TRAM1: variants seen among roughly 807,000 people sequenced by gnomAD.
TRAM1 encodes translocating chain-associated membrane protein 1.
Under a neutral mutation model 48.7 loss-of-function variants are expected in TRAM1, and 17 were observed. The observed-to-expected ratio is 0.35, with a 90% CI of 0.24 to 0.52. The LOEUF is 0.52. TRAM1 is among the 20% of genes least tolerant of loss of function. The pLI, the probability that TRAM1 is intolerant of heterozygous loss-of-function variation, is 0.94. For synonymous variants in TRAM1, 182 were observed against 154.0 expected (o/e 1.18, Z -1.34); for missense variants, 351 against 441.5 (o/e 0.79, Z 1.84).
chr8:70,608,264 G>A lies in TRAM1; in HGVS notation c.-65C>T. On this transcript the variant is annotated 5_prime_UTR_variant, in exon 1 of 11. Transcript: ENST00000262213. ...GTTCTGCTCTTCCCAGCTGCTCACC[G>A]ACTCGCCGCCGCCTCCCGCTGGCTG... The A allele has an allele frequency of 1.3e-6, 2 of 1,488,640 alleles. No individual in the cohort carries two copies. The highest frequency in any genetic ancestry group is 4.5e-5 in the Admixed American group (2 of 44,036). 92.2% of individuals were successfully genotyped at this position (1,488,640 alleles called of 1,614,324 possible). A position where few individuals can be genotyped will look rare whatever the true frequency, so the allele number is the denominator to read the frequency against.
intron 8 of TRAM1, among the ~76,000 whole-genome samples, chr8:70,584,657 C>A (rs1355111244): frequency 6.6e-6 from 1 of 152,192 alleles, no homozygotes; most frequent in Non-Finnish European, 1.5e-5. Flanking sequence ...AGAGCCAAAT[C>A]ATGAGTGAAC....
chr8:70,593,864 G>A (rs764522100), intron 6 of TRAM1, among the ~76,000 whole-genome samples: 1 of 152,090 alleles, frequency 6.6e-6, no homozygotes. Flanking sequence ...AAGGGAGAGG[G>A]TAAAGAAAAC....
At chr8:70,579,806 T>C (rs530526505) in intron 10 of TRAM1, among the ~76,000 whole-genome samples, 3 of 152,282 alleles carry the variant, frequency 2.0e-5, no homozygotes, top group Non-Finnish European at 4.4e-5. Flanking sequence ...TCATTTCTTA[T>C]ATTGAATATT....
At chr8:70,608,029 C>G in intron 1 of TRAM1, 48 bp downstream of exon 1, 2 of 1,534,366 alleles carry the variant, frequency 1.3e-6, no homozygotes, top group South Asian at 2.4e-5. Context: ...AGCCCGGGCC[C>G]GGGCTGGAGG....
At chr8:70,578,129 G>A (rs1386639483) in intron 10 of TRAM1, among the ~76,000 whole-genome samples, 2 of 152,188 alleles carry the variant, frequency 1.3e-5, no homozygotes, top group Non-Finnish European at 2.9e-5. Flanking sequence ...GCGGATGCAA[G>A]CAATACTCAG....
At chr8:70,585,529 G>C (rs111954992) in intron 8 of TRAM1, among the ~76,000 whole-genome samples, 7,789 of 142,930 alleles carry the variant, frequency 0.054, 278 homozygotes, top group Non-Finnish European at 0.074. Flanking sequence ...CTACTCATCT[G>C]ACAAAGGGCT....
At chr8:70,583,591 A>C in intron 9 of TRAM1, 59 bp downstream of exon 9, 4 of 1,557,430 alleles carry the variant, frequency 2.6e-6, no homozygotes, top group Non-Finnish European at 3.5e-6. Context: ...AATGTAGAGA[A>C]ACTGATAATA....
At chr8:70,593,118 G>A (rs1256970593) in intron 6 of TRAM1, among the ~76,000 whole-genome samples, 2 of 152,004 alleles carry the variant, frequency 1.3e-5, no homozygotes, top group Non-Finnish European at 2.9e-5. Flanking sequence ...AATATAGCTG[G>A]AGAAACAATC....
At chr8:70,607,125 A>ATTTT in intron 1 of TRAM1, 1 of 983,910 alleles carries the variant, frequency 1.0e-6, no homozygotes, top group South Asian at 4.7e-5. Context: ...AAAAAGGGAA[A>ATTTT]AAAGCAAAGG....
At chr8:70,599,190 G>A (rs1038860154) in intron 2 of TRAM1, among the ~76,000 whole-genome samples, 1 of 152,124 alleles carries the variant, frequency 6.6e-6, no homozygotes, top group Non-Finnish European at 1.5e-5. Flanking sequence ...CCCAGAAGCT[G>A]GAGGCTGCAG....
chr8:70,590,482 C>T (rs1308436939), intron 6 of TRAM1, among the ~76,000 whole-genome samples: 2 of 152,108 alleles, frequency 1.3e-5, no homozygotes, highest in Non-Finnish European at 2.9e-5. Flanking sequence ...GTATCTTAGC[C>T]CCATACCTCC....
chr8:70,583,423 G>A, intron 9 of TRAM1, 99 bp from the exon 10 acceptor site: 1 of 1,383,256 alleles, frequency 7.2e-7, no homozygotes, highest in Non-Finnish European at 9.7e-7. Context: ...TTCCCACTCA[G>A]TTGAGAAAAT....
At chr8:70,585,690 A>G (rs1478025730) in intron 8 of TRAM1, among the ~76,000 whole-genome samples, 30 of 140,130 alleles carry the variant, frequency 2.1e-4, no homozygotes, top group Middle Eastern at 6.9e-3. Context: ...ATCACTGGCC[A>G]TCAGAGAAAT....
chr8:70,583,288 T>G lies in TRAM1; in HGVS notation c.927A>C (p.Ala309=). The change falls in exon 10 of 11, where the codon GCA becomes GCC. Residue 309 remains alanine (A), a synonymous_variant. Coordinates refer to ENST00000262213, the MANE Select transcript of TRAM1 (RefSeq NM_014294.6). ...AATTAATGAACTTCCACATCATAAATGCCTGAGTAACGCAAATGGATGCCA... is the reference window on the plus strand; with the variant it reads ...AATTAATGAACTTCCACATCATAAAGGCCTGAGTAACGCAAATGGATGCCA... ...AVLASICVTQ[A]FMMWKFINFQ... 6.2e-7 allele frequency: 1 copy of G among 1,613,942 alleles called. No homozygotes were observed. Among genetic ancestry groups the G allele is most frequent in the Non-Finnish European group, 8.5e-7 (1 of 1,179,976 alleles).
At chr8:70,580,640 A>G (rs1163162913) in intron 10 of TRAM1, among the ~76,000 whole-genome samples, 2 of 152,126 alleles carry the variant, frequency 1.3e-5, no homozygotes, top group Non-Finnish European at 2.9e-5. Context: ...AAGATCAAAA[A>G]CAAGACAAGG....
chr8:70,576,107 A>C (rs12678625), intron 10 of TRAM1, among the ~76,000 whole-genome samples: 46,784 of 148,844 alleles, frequency 0.31, 8,953 homozygotes, highest in Non-Finnish European at 0.43. Flanking sequence ...CACACAAAAA[A>C]AAACCCCAAA....
At chr8:70,583,881 C>G in intron 8 of TRAM1, 88 bp from the exon 9 acceptor site, 2 of 1,426,156 alleles carry the variant, frequency 1.4e-6, no homozygotes, top group Non-Finnish European at 1.9e-6. Flanking sequence ...GGCGTGGTGG[C>G]AGACGCCTGT....
chr8:70,595,221 T>C (rs890936712), intron 5 of TRAM1, among the ~76,000 whole-genome samples: 2 of 151,880 alleles, frequency 1.3e-5, no homozygotes, highest in Admixed American at 1.3e-4. Flanking sequence ...TATATCCCTC[T>C]AGCCCTTCTG....
At position 70,575,015 on chromosome 8, in the gene TRAM1, G is replaced by C. The variant is rs1816915967; in HGVS notation, c.1052-10C>G. 2 of 1,589,382 alleles carry C rather than the reference G, an allele frequency of 1.3e-6. No individual in the cohort carries two copies. The highest frequency in any genetic ancestry group is 1.7e-6 in the Non-Finnish European group (2 of 1,164,096). On this transcript the variant is annotated splice_polypyrimidine_tract_variant and intron_variant, in intron 10 of 10. Transcript: ENST00000262213. ...CCATTCACACCATTTTCTGCAAAAA[G>C]AAAAGAATCCATGTTACTCTCTTTT...
Sources: gnomAD v4.1 joint callset for allele counts (sites outside exome capture counted in the v4.1 genomes callset) on GRCh38, gnomAD v4.1.1 for gene constraint, MANE v1.5 for transcripts, NCBI Gene and HGNC (gene_info 2026-07-23, HGNC 2026-07-21) for gene names.